ALK: variants seen among roughly 807,000 people sequenced by gnomAD.
ALK encodes the protein ALK tyrosine kinase receptor.
Under a neutral mutation model 163.1 loss-of-function variants are expected in ALK, and 74 were observed. The ratio of observed to expected loss-of-function variants is 0.45; its 90% CI spans 0.38 to 0.55. The LOEUF (loss-of-function observed/expected upper bound fraction) is 0.55. ALK is among the 20% of genes least tolerant of loss of function. The probability of loss-of-function intolerance (pLI) is 0.00; values close to 1 mark genes in which losing one functional copy is unlikely to be tolerated. For missense variants in ALK, 2,063 were observed against 2,105.3 expected (o/e 0.98, Z 0.39); for synonymous variants, 960 against 843.2 (o/e 1.14, Z -2.40).
chr2:29,372,083 C>A (rs1188439046), intron 5 of ALK, among the ~76,000 whole-genome samples: 1 of 152,188 alleles, frequency 6.6e-6, no homozygotes, highest in East Asian at 1.9e-4. Flanking sequence ...TTTGGTAAAA[C>A]TGAAGCTCTT....
At chr2:29,700,588 G>C (rs994801668) in intron 2 of ALK, among the ~76,000 whole-genome samples, 1 of 152,184 alleles carries the variant, frequency 6.6e-6, no homozygotes, top group Non-Finnish European at 1.5e-5. Flanking sequence ...GCACATAATA[G>C]TTGCAGGATG....
intron 1 of ALK, among the ~76,000 whole-genome samples, chr2:29,842,524 C>A (rs1665727170): frequency 6.6e-6 from 1 of 152,182 alleles, no homozygotes; most frequent in African/African-American, 2.4e-5. Flanking sequence ...CACACAGTTA[C>A]CACTTCACTC....
At chr2:29,560,136 A>G (rs534713880) in intron 3 of ALK, among the ~76,000 whole-genome samples, 1 of 152,342 alleles carries the variant, frequency 6.6e-6, no homozygotes, top group East Asian at 1.9e-4. Flanking sequence ...CTACATAAAG[A>G]TTTGTACATG....
chr2:29,551,518 G>A (rs956477462), intron 3 of ALK, among the ~76,000 whole-genome samples: 1 of 152,054 alleles, frequency 6.6e-6, no homozygotes, highest in Non-Finnish European at 1.5e-5. Context: ...ACCTCCCATA[G>A]CCACAAAGCT....
intron 4 of ALK, among the ~76,000 whole-genome samples, chr2:29,391,342 C>T (rs1049539685): frequency 2.0e-5 from 3 of 150,396 alleles, no homozygotes; most frequent in Non-Finnish European, 2.9e-5. Context: ...CACTCTGTCA[C>T]CCAGGCTGGA....
chr2:29,899,775 G>C (rs573674747), intron 1 of ALK: 2 of 150,432 alleles, frequency 1.3e-5, no homozygotes, highest in Non-Finnish European at 2.9e-5. Flanking sequence ...GCAGTGAGCT[G>C]AGATAACACC....
intron 4 of ALK, among the ~76,000 whole-genome samples, chr2:29,419,218 C>G (rs1669958587): frequency 6.6e-6 from 1 of 151,184 alleles, no homozygotes; most frequent in Non-Finnish European, 1.5e-5. Context: ...CCATGCCCGG[C>G]TAATTTTTGT....
chr2:29,505,292 C>T (rs1672288789), intron 4 of ALK, among the ~76,000 whole-genome samples: 1 of 152,036 alleles, frequency 6.6e-6, no homozygotes, highest in Non-Finnish European at 1.5e-5. Context: ...GGAAGGGGGT[C>T]CAGGGACCTG....
chr2:29,203,403 T>C (rs777093598), intron 26 of ALK, among the ~76,000 whole-genome samples: 3 of 139,318 alleles, frequency 2.2e-5, no homozygotes, highest in Non-Finnish European at 4.5e-5. Flanking sequence ...ATCTTTTATC[T>C]CTATTATTTT....
rs143423822 is a variant in ALK at position 29,768,946 on chromosome 2, G to A, written c.668-51249C>T. Among the ~76,000 whole-genome samples, 793 of 151,788 alleles carry A rather than the reference G, an allele frequency of 5.2e-3. 27 individuals are homozygous for A. In the East Asian group the frequency reaches 0.097, roughly 19 times the overall value. ...CTTCCTGGGCTCAAGCGATCCTCCCGCCTCAGCTTCCCAAGTAGCTGTGAC... is the reference window on the plus strand; with the variant it reads ...CTTCCTGGGCTCAAGCGATCCTCCCACCTCAGCTTCCCAAGTAGCTGTGAC... On this transcript the variant is annotated intron_variant, in intron 1 of 28. Coordinates refer to ENST00000389048, the MANE Select transcript of ALK (RefSeq NM_004304.5).
intron 4 of ALK, among the ~76,000 whole-genome samples, chr2:29,505,403 G>T (rs1263154487): frequency 1.3e-5 from 2 of 152,202 alleles, no homozygotes; most frequent in Non-Finnish European, 2.9e-5. Flanking sequence ...TGTTACAAGA[G>T]AAGTTCAAGT....
intron 8 of ALK, among the ~76,000 whole-genome samples, chr2:29,315,348 A>G (rs1184977099): frequency 2.6e-5 from 4 of 152,094 alleles, no homozygotes; most frequent in Non-Finnish European, 5.9e-5. Flanking sequence ...TGCCTCCATC[A>G]TGGGGGGCTC....
chr2:29,728,378 T>C (rs552192191), intron 1 of ALK, among the ~76,000 whole-genome samples: 3 of 152,380 alleles, frequency 2.0e-5, no homozygotes, highest in East Asian at 3.9e-4. Context: ...GTATCTCCTA[T>C]GTGCCGAGCT....
At chr2:29,387,215 C>T (rs929208833) in intron 4 of ALK, among the ~76,000 whole-genome samples, 10 of 152,164 alleles carry the variant, frequency 6.6e-5, no homozygotes, top group African/African-American at 1.2e-4. Context: ...TGGAGCTCTC[C>T]GGTTCCAGTT....
intron 4 of ALK, among the ~76,000 whole-genome samples, chr2:29,406,906 A>C (rs1381440699): frequency 6.6e-6 from 1 of 151,420 alleles, no homozygotes; most frequent in African/African-American, 2.4e-5. Context: ...CTCAAAAAAA[A>C]AAAAAAAAGT....
chr2:29,879,630 T>A (rs757129451), intron 1 of ALK, among the ~76,000 whole-genome samples: 9 of 152,218 alleles, frequency 5.9e-5, no homozygotes, highest in Admixed American at 2.6e-4. Context: ...TAATGGTTCA[T>A]TCAGCTTGAC....
intron 27 of ALK, 43 bp from the exon 28 acceptor site, chr2:29,196,903 T>C (rs766513924): frequency 2.0e-6 from 3 of 1,495,324 alleles, no homozygotes; most frequent in Non-Finnish European, 2.8e-6. Flanking sequence ...AGAAGCACAA[T>C]GATGAAAAAT....
intron 5 of ALK, among the ~76,000 whole-genome samples, chr2:29,371,307 A>G (rs1225810063): frequency 6.6e-6 from 1 of 152,268 alleles, no homozygotes; most frequent in Non-Finnish European, 1.5e-5. Context: ...AACCATCATC[A>G]AATCCCAGCA....
At chr2:29,889,648 T>G (rs1667085150) in intron 1 of ALK, among the ~76,000 whole-genome samples, 1 of 148,470 alleles carries the variant, frequency 6.7e-6, no homozygotes, top group South Asian at 2.2e-4. Context: ...AGACCCCCAG[T>G]ACTGTTGTGG....
Sources: allele counts gnomAD v4.1 joint callset (sites outside exome capture counted in the v4.1 genomes callset), GRCh38; gene constraint gnomAD v4.1.1; transcripts MANE v1.5; gene names NCBI Gene and HGNC (gene_info 2026-07-23, HGNC 2026-07-21).